Variants in CDH12 observed in about 807,000 individuals in gnomAD.
CDH12 encodes the protein cadherin-12.
CDH12 carries 41 observed loss-of-function variants against 74.1 expected under a neutral mutation model. That is an observed-to-expected ratio of 0.55 (90% CI 0.43 to 0.72). The LOEUF (loss-of-function observed/expected upper bound fraction) is 0.72, where lower values mean the gene tolerates loss of function less well. Ranked by LOEUF, CDH12 falls within the 30% of genes least tolerant of loss-of-function variation. The probability of loss-of-function intolerance (pLI) is 0.00; values close to 1 mark genes in which losing one functional copy is unlikely to be tolerated. For synonymous variants in CDH12, 399 were observed against 355.0 expected (o/e 1.12, Z -1.39); for missense variants, 945 against 977.2 (o/e 0.97, Z 0.44).
intron 1 of CDH12, among the ~76,000 whole-genome samples, chr5:22,586,195 A>T (rs545833267): frequency 1.2e-3 from 179 of 152,286 alleles, no homozygotes; most frequent in African/African-American, 4.1e-3. Context: ...TTGTAGGGAC[A>T]TGGATGAAGC....
intron 2 of CDH12, among the ~76,000 whole-genome samples, chr5:22,491,622 C>CAAAAAAAAAAAAAAA (rs33936783): frequency 2.2e-5 from 3 of 135,612 alleles, no homozygotes; most frequent in East Asian, 2.1e-4. Context: ...AAAAAAAAAA[C>CAAAAAAAAAAAAAAA]AAAAAAAAAA....
At chr5:22,664,659 T>C (rs939140719) in intron 1 of CDH12, among the ~76,000 whole-genome samples, 10 of 152,168 alleles carry the variant, frequency 6.6e-5, no homozygotes, top group Admixed American at 2.0e-4. Context: ...AATTAGGTGT[T>C]TCCTGTGTTC....
At chr5:21,817,797 C>T (rs921917519) in intron 8 of CDH12, among the ~76,000 whole-genome samples, 9 of 143,432 alleles carry the variant, frequency 6.3e-5, no homozygotes, top group Middle Eastern at 4.2e-3. Flanking sequence ...TTCTGTCTCC[C>T]GAAGTTTTTT....
intron 3 of CDH12, among the ~76,000 whole-genome samples, chr5:22,263,331 GA>G (rs1467147367): frequency 6.6e-6 from 1 of 151,736 alleles, no homozygotes; most frequent in East Asian, 1.9e-4. Context: ...CGCAATAACA[GA>G]AAAAATAAAA....
At chr5:22,546,745 T>C (rs1185412973) in intron 1 of CDH12, among the ~76,000 whole-genome samples, 1 of 152,104 alleles carries the variant, frequency 6.6e-6, no homozygotes, top group Non-Finnish European at 1.5e-5. Flanking sequence ...GAACCTATAA[T>C]CCATATGTAT....
At chr5:22,754,116 C>A (rs1280741519) in intron 1 of CDH12, among the ~76,000 whole-genome samples, 4 of 152,058 alleles carry the variant, frequency 2.6e-5, no homozygotes, top group Non-Finnish European at 5.9e-5. Flanking sequence ...ACCAAAATAA[C>A]CTGGCAATTA....
chr5:22,580,744 C>T, intron 1 of CDH12: 2 of 319,886 alleles, frequency 6.3e-6, no homozygotes, highest in East Asian at 7.0e-5. Context: ...CTTTTTCCAC[C>T]TTTCTCCTTT....
chr5:22,424,187 GTGCCTACATCTTC>G (rs918694998), intron 2 of CDH12, among the ~76,000 whole-genome samples: 1 of 151,972 alleles, frequency 6.6e-6, no homozygotes, highest in Non-Finnish European at 1.5e-5. Flanking sequence ...TCCTCCTTGT[GTGCCTACATCTTC>G]TTACCATGTA....
At chr5:22,110,261 C>A (rs370571690) in intron 4 of CDH12, among the ~76,000 whole-genome samples, 4 of 152,234 alleles carry the variant, frequency 2.6e-5, no homozygotes, top group Admixed American at 2.6e-4. Context: ...TATGCCAGAG[C>A]ACCCTATTTA....
chr5:22,441,691 A>G (rs1338466152), intron 2 of CDH12, among the ~76,000 whole-genome samples: 2 of 152,052 alleles, frequency 1.3e-5, no homozygotes, highest in East Asian at 1.9e-4. Context: ...TAGATATATT[A>G]TTTGTTTTGT....
At chr5:22,660,709 C>T (rs1052824688) in intron 1 of CDH12, among the ~76,000 whole-genome samples, 1 of 152,272 alleles carries the variant, frequency 6.6e-6, no homozygotes, top group South Asian at 2.1e-4. Flanking sequence ...TGAGCCACTG[C>T]CTGGCCCAGG....
chr5:22,195,502 T>G (rs1750566913), intron 4 of CDH12, among the ~76,000 whole-genome samples: 1 of 152,234 alleles, frequency 6.6e-6, no homozygotes, highest in South Asian at 2.1e-4. Context: ...CAAACTTGGA[T>G]GTGCTGGTAA....
At chr5:22,609,694 T>C (rs1737296663) in intron 1 of CDH12, among the ~76,000 whole-genome samples, 1 of 152,178 alleles carries the variant, frequency 6.6e-6, no homozygotes, top group South Asian at 2.1e-4. Context: ...TGGTTTGATA[T>C]TAAGGGTAGG....
At chr5:22,058,213 T>C (rs1298572354) in intron 5 of CDH12, among the ~76,000 whole-genome samples, 1 of 152,032 alleles carries the variant, frequency 6.6e-6, no homozygotes, top group East Asian at 1.9e-4. Context: ...CACGCCTCCA[T>C]GCCCAGGTAA....
At chr5:21,944,331 T>C (rs561362327) in intron 6 of CDH12, among the ~76,000 whole-genome samples, 4 of 152,250 alleles carry the variant, frequency 2.6e-5, no homozygotes, top group African/African-American at 9.6e-5. Context: ...TGAAAAACCA[T>C]AGTCAATCCC....
At chr5:22,718,373 C>T (rs557559451) in intron 1 of CDH12, among the ~76,000 whole-genome samples, 1 of 152,282 alleles carries the variant, frequency 6.6e-6, no homozygotes, top group East Asian at 1.9e-4. Context: ...AAAAAGGTGC[C>T]TGACATCTAG....
At chr5:21,809,882 T>C (rs1470830162) in intron 9 of CDH12, among the ~76,000 whole-genome samples, 3 of 152,206 alleles carry the variant, frequency 2.0e-5, no homozygotes, top group African/African-American at 7.2e-5. Context: ...TTGACAGAAA[T>C]GTTGACATTT....
chr5:22,150,878 G>A (rs1190647358), intron 4 of CDH12, among the ~76,000 whole-genome samples: 2 of 152,174 alleles, frequency 1.3e-5, no homozygotes, highest in Non-Finnish European at 2.9e-5. Flanking sequence ...ACATAGCTTG[G>A]TGATGGTGGC....
chr5:22,697,094 G>C lies in CDH12; in HGVS notation c.-523+155964C>G, dbSNP rs544802694. ...ATTTCACTAGGGGAATCCCTTTAGAGCACGATTATAAAAACTGTCATTTGA... is the reference window on the plus strand; with the variant it reads ...ATTTCACTAGGGGAATCCCTTTAGACCACGATTATAAAAACTGTCATTTGA... On this transcript the variant is annotated intron_variant, in intron 1 of 14. Transcript: ENST00000382254. Among the ~76,000 whole-genome samples the C allele has an allele frequency of 1.0e-3, 155 of 152,256 alleles. 1 individual carries two copies. Among genetic ancestry groups the C allele is most frequent in the Non-Finnish European group, 1.7e-3 (117 of 68,022 alleles).
Sources: allele counts gnomAD v4.1 joint callset (sites outside exome capture counted in the v4.1 genomes callset), GRCh38; gene constraint gnomAD v4.1.1; transcripts MANE v1.5; gene names NCBI Gene and HGNC (gene_info 2026-07-23, HGNC 2026-07-21).